ATXN8OS: variants seen among roughly 807,000 people sequenced by gnomAD.
The protein encoded by ATXN8OS is ATXN8 opposite strand lncRNA, also known as ATXN8 opposite strand (non-protein coding).
intron 2 of ATXN8OS, among the ~76,000 whole-genome samples, chr13:70,127,317 T>G (rs1398248375): frequency 6.6e-6 from 1 of 152,038 alleles, no homozygotes; most frequent in Non-Finnish European, 1.5e-5. Flanking sequence ...TAGCTGTTCT[T>G]TAATAATGAG....
chr13:70,145,108 A>G (rs556451021), intron 3 of ATXN8OS, among the ~76,000 whole-genome samples: 11 of 152,084 alleles, frequency 7.2e-5, no homozygotes, highest in Non-Finnish European at 1.0e-4. Context: ...TAAATAGGGA[A>G]TCCTTTCCCT....
intron 4 of ATXN8OS, among the ~76,000 whole-genome samples, chr13:70,150,783 A>G (rs1354553913): frequency 1.3e-5 from 2 of 152,142 alleles, no homozygotes; most frequent in Non-Finnish European, 2.9e-5. Context: ...TTATAACACT[A>G]CATTGCACAC....
At chr13:70,168,080 A>G (rs1889099495) in intron 4 of ATXN8OS, among the ~76,000 whole-genome samples, 1 of 152,094 alleles carries the variant, frequency 6.6e-6, no homozygotes, top group African/African-American at 2.4e-5. Context: ...GGCATTACAG[A>G]GAATTACCTT....
At chr13:70,116,116 C>A (rs1242228499) in intron 2 of ATXN8OS, among the ~76,000 whole-genome samples, 1 of 151,142 alleles carries the variant, frequency 6.6e-6, no homozygotes, top group African/African-American at 2.4e-5. Flanking sequence ...TGAGCACTTA[C>A]TCTGTGCCAA....
At chr13:70,147,088 A>G (rs1278363972) in intron 3 of ATXN8OS, among the ~76,000 whole-genome samples, 1 of 152,148 alleles carries the variant, frequency 6.6e-6, no homozygotes, top group Admixed American at 6.6e-5. Context: ...CTGAAAAGCT[A>G]CAAGTGGATT....
intron 4 of ATXN8OS, among the ~76,000 whole-genome samples, chr13:70,160,202 T>G (rs1182164566): frequency 6.6e-6 from 1 of 152,162 alleles, no homozygotes; most frequent in African/African-American, 2.4e-5. Flanking sequence ...CTTATTGGAT[T>G]TTCATATATT....
chr13:70,157,751 C>G (rs1888955684), intron 4 of ATXN8OS, among the ~76,000 whole-genome samples: 1 of 152,144 alleles, frequency 6.6e-6, no homozygotes, highest in Admixed American at 6.5e-5. Context: ...TTCCACCTGA[C>G]AGCAGACAGT....
intron 4 of ATXN8OS, among the ~76,000 whole-genome samples, chr13:70,165,776 A>G (rs1196634439): frequency 5.3e-5 from 8 of 152,060 alleles, no homozygotes; most frequent in African/African-American, 1.9e-4. Flanking sequence ...AACTTGGAAG[A>G]TAACGGAAGA....
At chr13:70,147,058 G>A (rs1888796305) in intron 3 of ATXN8OS, among the ~76,000 whole-genome samples, 1 of 152,102 alleles carries the variant, frequency 6.6e-6, no homozygotes, top group Non-Finnish European at 1.5e-5. Context: ...TGTGTTGTGT[G>A]CCTTCTTTTG....
At chr13:70,152,572 T>C (rs1357392888) in intron 4 of ATXN8OS, among the ~76,000 whole-genome samples, 1 of 152,070 alleles carries the variant, frequency 6.6e-6, no homozygotes, top group Non-Finnish European at 1.5e-5. Context: ...TTTAGGGCTT[T>C]TTTTCACTTA....
At chr13:70,146,087 T>A (rs1410023192) in intron 3 of ATXN8OS, among the ~76,000 whole-genome samples, 1 of 139,596 alleles carries the variant, frequency 7.2e-6, no homozygotes, top group East Asian at 2.2e-4. Flanking sequence ...AACAACCCCA[T>A]CAAAAAGTGG....
intron 3 of ATXN8OS, among the ~76,000 whole-genome samples, chr13:70,132,223 T>G (rs528515011): frequency 2.4e-4 from 37 of 152,138 alleles, no homozygotes; most frequent in Middle Eastern, 3.4e-3. Context: ...AACCTAAGTG[T>G]CCTTCAGTGG....
intron 3 of ATXN8OS, among the ~76,000 whole-genome samples, chr13:70,131,983 T>C (rs991296239): frequency 7.9e-5 from 12 of 152,180 alleles, no homozygotes. Flanking sequence ...CATACCTATA[T>C]GTGTTCCAAA....
chr13:70,147,529 C>T (rs879906616), intron 4 of ATXN8OS, among the ~76,000 whole-genome samples: 6 of 151,984 alleles, frequency 3.9e-5, no homozygotes, highest in Non-Finnish European at 5.9e-5. Flanking sequence ...AAATTGAGCC[C>T]GCTGACATTC....
chr13:70,129,875 C>T (rs955529018), exon 3 of ATXN8OS: 11 of 398,118 alleles, frequency 2.8e-5, no homozygotes, highest in Admixed American at 4.4e-5. Flanking sequence ...CAGAGTCAAG[C>T]GGGAACAAGG....
chr13:70,131,675 C>A (rs1005906132), intron 3 of ATXN8OS: 3 of 395,092 alleles, frequency 7.6e-6, no homozygotes, highest in Non-Finnish European at 8.9e-6. Flanking sequence ...TCTGGCCAAC[C>A]CAGACTAGAT....
chr13:70,171,013 T>C (rs765481581), exon 5 of ATXN8OS, among the ~76,000 whole-genome samples: 1 of 152,146 alleles, frequency 6.6e-6, no homozygotes, highest in Non-Finnish European at 1.5e-5. Flanking sequence ...GGTACACCTG[T>C]ATAGGGCACT....
exon 1 of ATXN8OS, chr13:70,108,007 G>A (rs1263984692): frequency 4.5e-6 from 2 of 444,666 alleles, no homozygotes; most frequent in East Asian, 3.3e-5. Context: ...CGAGAGCCCC[G>A]TGTTATGGCG....
intron 4 of ATXN8OS, among the ~76,000 whole-genome samples, chr13:70,152,375 A>G (rs143146589): frequency 1.3e-5 from 2 of 151,966 alleles, no homozygotes; most frequent in Admixed American, 6.6e-5. Context: ...ATACATATAT[A>G]TGTATACATA....
Sources: allele counts gnomAD v4.1 joint callset (sites outside exome capture counted in the v4.1 genomes callset), GRCh38; gene constraint gnomAD v4.1.1; transcripts MANE v1.5; gene names NCBI Gene and HGNC (gene_info 2026-07-23, HGNC 2026-07-21).